PRICKLE2: variants seen among roughly 807,000 people sequenced by gnomAD.
PRICKLE2 encodes prickle-like protein 2.
Under a neutral mutation model 81.4 loss-of-function variants are expected in PRICKLE2, and 21 were observed. The observed-to-expected ratio is 0.26, with a 90% CI of 0.18 to 0.37. PRICKLE2 has a LOEUF of 0.37. Ranked by LOEUF, PRICKLE2 falls within the 10% of genes least tolerant of loss-of-function variation. The probability of loss-of-function intolerance (pLI) is 1.00; values close to 1 mark genes in which losing one functional copy is unlikely to be tolerated. For synonymous variants in PRICKLE2, 456 were observed against 421.5 expected, an observed-to-expected ratio of 1.08 and a Z score of -1.00; for missense variants, 940 against 1,109.0, an observed-to-expected ratio of 0.85 and a Z score of 2.16.
intron 1 of PRICKLE2, among the ~76,000 whole-genome samples, chr3:64,221,645 A>T (rs1048099908): frequency 2.6e-5 from 4 of 152,166 alleles, no homozygotes; most frequent in Non-Finnish European, 4.4e-5. Context: ...TAAGCACCAC[A>T]GTCATGGAGG....
chr3:64,165,970 G>A (rs2077823578), intron 2 of PRICKLE2, among the ~76,000 whole-genome samples: 1 of 5,476 alleles, frequency 1.8e-4, no homozygotes, highest in Non-Finnish European at 4.1e-4. Context: ...AAAGGTGTGT[G>A]TGTGTGTGTG....
At chr3:64,264,784 C>T (rs1240331455) in intron 2 of PRICKLE2, among the ~76,000 whole-genome samples, 1 of 152,148 alleles carries the variant, frequency 6.6e-6, no homozygotes, top group Non-Finnish European at 1.5e-5. Flanking sequence ...AAGAAGCAAC[C>T]TTTGAAAGAT....
chr3:64,242,182 A>G (rs941412417), intron 2 of PRICKLE2, among the ~76,000 whole-genome samples: 1 of 152,118 alleles, frequency 6.6e-6, no homozygotes, highest in African/African-American at 2.4e-5. Context: ...CTGTCCCCAC[A>G]CTACCGCAAA....
chr3:64,120,926 C>T (rs2106967155), intron 7 of PRICKLE2, among the ~76,000 whole-genome samples: 1 of 152,266 alleles, frequency 6.6e-6, no homozygotes, highest in Non-Finnish European at 1.5e-5. Flanking sequence ...CTGTCTCTGC[C>T]AACAAACAAC....
At chr3:64,108,845 C>T (rs555395658) in intron 7 of PRICKLE2, among the ~76,000 whole-genome samples, 4 of 152,258 alleles carry the variant, frequency 2.6e-5, no homozygotes, top group Non-Finnish European at 5.9e-5. Context: ...ACTGACATTT[C>T]GGGCTGGATA....
At chr3:64,252,503 C>G (rs897041319) in intron 2 of PRICKLE2, among the ~76,000 whole-genome samples, 1 of 152,290 alleles carries the variant, frequency 6.6e-6, no homozygotes. Context: ...ATCCCAACAT[C>G]GATTCTTTAC....
At chr3:64,211,533 T>C (rs757180523) in intron 1 of PRICKLE2, among the ~76,000 whole-genome samples, 45 of 152,140 alleles carry the variant, frequency 3.0e-4, no homozygotes, top group Non-Finnish European at 5.1e-4. Flanking sequence ...AAAAATGATA[T>C]GTGTATATGC....
At chr3:64,173,524 C>T (rs2077969456) in intron 2 of PRICKLE2, among the ~76,000 whole-genome samples, 1 of 152,026 alleles carries the variant, frequency 6.6e-6, no homozygotes, top group African/African-American at 2.4e-5. Flanking sequence ...CTGTATTTAA[C>T]AATGGATTTA....
chr3:64,178,049 T>A (rs1173005102), intron 2 of PRICKLE2, among the ~76,000 whole-genome samples: 1 of 152,238 alleles, frequency 6.6e-6, no homozygotes, highest in Non-Finnish European at 1.5e-5. Flanking sequence ...TTTCTCCACA[T>A]CCTTACCAAC....
intron 2 of PRICKLE2, among the ~76,000 whole-genome samples, chr3:64,194,859 T>C (rs1418522050): frequency 5.9e-5 from 9 of 152,000 alleles, no homozygotes; most frequent in African/African-American, 1.7e-4. Context: ...CTGGGCAACA[T>C]AGTGAGACCC....
intron 7 of PRICKLE2, chr3:64,102,076 G>C (rs887365369): frequency 1.3e-5 from 2 of 152,210 alleles, no homozygotes; most frequent in Non-Finnish European, 2.9e-5. Context: ...TTAGACAGAT[G>C]CCAAAAGGAG....
At chr3:64,146,591 A>C in intron 7 of PRICKLE2, 1 of 485,412 alleles carries the variant, frequency 2.1e-6, no homozygotes, top group South Asian at 2.2e-5. Flanking sequence ...AAATACAAAA[A>C]AATTAGCCAG....
At chr3:64,185,828 G>A (rs2078220231) in intron 2 of PRICKLE2, among the ~76,000 whole-genome samples, 1 of 152,104 alleles carries the variant, frequency 6.6e-6, no homozygotes, top group South Asian at 2.1e-4. Context: ...ATACAATTTG[G>A]TAAGTTCCAA....
intron 2 of PRICKLE2, among the ~76,000 whole-genome samples, chr3:64,169,480 T>G (rs148507853): frequency 9.3e-4 from 142 of 152,288 alleles, no homozygotes; most frequent in African/African-American, 3.4e-3. Flanking sequence ...GATACAGCAG[T>G]GGTTTTCAAA....
Position 64,099,754 on chromosome 3 carries a change from G to A in PRICKLE2, c.1832C>T (p.Ala611Val), listed in dbSNP as rs746399399. ...TCCCTCCATCTCCTGGTACTGCTGG[G>A]CAGAGAGCAGGCTGCGAACTGACTC... Reference protein sequence around the residue: ...SAESVRSLLSAQQYQEMEGNL... With the variant: ...SAESVRSLLSVQQYQEMEGNL... Residue 611 changes from alanine (A) to valine (V), a missense_variant, in exon 8 of 8, where the codon GCC (alanine) becomes GTC (valine). Physicochemically the swap from Ala to Val is moderately conservative, Grantham distance 64 (BLOSUM62 0). Around this residue, in one of 2 missense-constraint regions of PRICKLE2, gnomAD observed 670 missense variants for 717.2 expected, o/e 0.93. Transcript: ENST00000638394. This position sits in a 1 kb window ranked among gnomAD's most constrained non-coding sequence, Gnocchi z 4.3. 1 of 1,614,196 alleles carries A rather than the reference G, an allele frequency of 6.2e-7. No homozygotes were observed. Among genetic ancestry groups the A allele is most frequent in the Non-Finnish European group, 8.5e-7 (1 of 1,180,024 alleles).
At chr3:64,166,104 C>T (rs1221163419) in intron 2 of PRICKLE2, among the ~76,000 whole-genome samples, 3 of 151,736 alleles carry the variant, frequency 2.0e-5, no homozygotes, top group Non-Finnish European at 2.9e-5. Context: ...GGTGATTGTA[C>T]CAAGTTTCTG....
chr3:64,217,281 A>C lies in PRICKLE2; in HGVS notation c.-41+7629T>G, dbSNP rs9879530. Among the ~76,000 whole-genome samples, 518 of 152,314 alleles carry C rather than the reference A, an allele frequency of 3.4e-3. 5 individuals carry two copies. The highest frequency in any genetic ancestry group is 0.012 in the African/African-American group (490 of 41,584). Reference sequence around the variant, plus strand: ...AATAAAAGGATGTATATTACAGAGAAAGAAAGAAAAAAAGACTATTAAAAC... The same window carrying C: ...AATAAAAGGATGTATATTACAGAGACAGAAAGAAAAAAAGACTATTAAAAC... On this transcript the variant is annotated intron_variant, in intron 1 of 7. Coordinates refer to ENST00000638394, the MANE Select transcript of PRICKLE2 (RefSeq NM_198859.4).
At chr3:64,145,168 T>C (rs569890359) in intron 7 of PRICKLE2, among the ~76,000 whole-genome samples, 1 of 147,996 alleles carries the variant, frequency 6.8e-6, no homozygotes, top group African/African-American at 2.5e-5. Context: ...GGTGGGATCA[T>C]TGCTTAGTTC....
At chr3:64,127,646 TCCCAGG>T (rs1031700320) in intron 7 of PRICKLE2, among the ~76,000 whole-genome samples, 4 of 151,926 alleles carry the variant, frequency 2.6e-5, no homozygotes, top group African/African-American at 9.7e-5. Flanking sequence ...CTCTTCTGCC[TCCCAGG>T]TGCAAAAGCA....
Sources: gnomAD v4.1 joint callset for allele counts (sites outside exome capture counted in the v4.1 genomes callset) on GRCh38, gnomAD v4.1.1 for gene constraint, gnomAD v4.1.1 regional missense constraint, Gnocchi (gnomAD v3.1) non-coding constraint, MANE v1.5 for transcripts, NCBI Gene and HGNC (gene_info 2026-07-23, HGNC 2026-07-21) for gene names.